Variants in ITGA2B observed in about 807,000 individuals in gnomAD.
The protein encoded by ITGA2B is integrin subunit alpha 2b.
A neutral mutation model predicts 142.0 loss-of-function variants in ITGA2B; 91 were observed. The observed-to-expected ratio is 0.64, with a 90% CI of 0.54 to 0.76. The LOEUF (loss-of-function observed/expected upper bound fraction) is 0.76, where lower values mean the gene tolerates loss of function less well. ITGA2B is among the 30% of genes least tolerant of loss of function. The probability of loss-of-function intolerance (pLI) is 0.00; values close to 1 mark genes in which losing one functional copy is unlikely to be tolerated. For missense variants in ITGA2B, 1,231 were observed against 1,350.8 expected (o/e 0.91, Z 1.39); for synonymous variants, 536 against 567.2 (o/e 0.94, Z 0.78).
intron 1 of ITGA2B, among the ~76,000 whole-genome samples, chr17:44,388,769 T>C (rs937447665): frequency 6.6e-6 from 1 of 150,904 alleles, no homozygotes; most frequent in African/African-American, 2.4e-5. Context: ...TGCCCACCTC[T>C]GCCTCCCAAA....
rs567353786 is a variant in ITGA2B at position 44,383,420 on chromosome 17, C to T, written c.1210+73G>A. On this transcript the variant is annotated intron_variant, in intron 12 of 29. Transcript: ENST00000262407. ...AAAACCCATCCTGGTTCTGGCTGCC[C>T]TCAGGCCAACTCCATGCTTTTTGAG... 5 of 1,449,632 alleles carry T rather than the reference C, an allele frequency of 3.4e-6. No homozygotes were observed. In the African/African-American group the frequency reaches 6.9e-5, roughly 20 times the overall value. The allele number at this position is 1,449,632 out of a possible 1,614,324, so 89.8% of individuals were successfully genotyped here.
At chr17:44,376,268 C>A in intron 23 of ITGA2B, 40 bp downstream of exon 23, 8 of 1,613,774 alleles carry the variant, frequency 5.0e-6, no homozygotes, top group Non-Finnish European at 6.8e-6. Context: ...GAGTTTAGAG[C>A]CCTGAATGCC....
At chr17:44,373,819 A>C in intron 29 of ITGA2B, 1 of 184,588 alleles carries the variant, frequency 5.4e-6, no homozygotes, top group Non-Finnish European at 1.2e-5. Flanking sequence ...TATCCTTTCC[A>C]GTGGTATGTG....
chr17:44,384,367 A>T lies in ITGA2B; in HGVS notation c.848-13T>A. On this transcript the variant is annotated splice_polypyrimidine_tract_variant and intron_variant, in intron 8 of 29. Coordinates refer to ENST00000262407, the MANE Select transcript of ITGA2B (RefSeq NM_000419.5). ...CCGACGACATATTCTGGCGATAGGG[A>T]GAGCCAGGCTCAGGGAATGAGAGCC... 1 of 1,613,804 alleles carries T rather than the reference A, an allele frequency of 6.2e-7. No homozygotes were observed. Among genetic ancestry groups the T allele is most frequent in the South Asian group, 1.1e-5 (1 of 91,086 alleles).
intron 7 of ITGA2B, 143 bp downstream of exon 7, chr17:44,384,805 C>T: frequency 7.0e-7 from 1 of 1,419,274 alleles, no homozygotes. Flanking sequence ...TGCGGGGAAG[C>T]CGCAGGAGCG....
At chr17:44,382,230 A>G (rs35691776) in intron 12 of ITGA2B, among the ~76,000 whole-genome samples, 3,178 of 152,070 alleles carry the variant, frequency 0.021, 103 homozygotes, top group African/African-American at 0.073. Context: ...CCACATTGAA[A>G]TAATCTTCCC....
At position 44,375,041 on chromosome 17, in the gene ITGA2B, A is replaced by G; in HGVS notation, c.2798T>C (p.Met933Thr). 1 of 1,511,352 alleles carries G rather than the reference A, an allele frequency of 6.6e-7. No individual in the cohort carries two copies. The allele number at this position is 1,511,352 out of a possible 1,614,324, so 93.6% of individuals were successfully genotyped here. A position where few individuals can be genotyped will look rare whatever the true frequency, so the allele number is the denominator to read the frequency against. ...LQEMARGQRA[M>T]VTVLAFLWLP... Reference sequence around the variant, plus strand: ...CCACAGGAAGGCCAGCACCGTGACCATGGCCCGCTGCCCGCGCGCCATCTC... The same window carrying G: ...CCACAGGAAGGCCAGCACCGTGACCGTGGCCCGCTGCCCGCGCGCCATCTC... Residue 933 changes from methionine (M) to threonine (T), a missense_variant, in exon 27 of 30, where the codon ATG (methionine) becomes ACG (threonine). Coordinates refer to ENST00000262407, the MANE Select transcript of ITGA2B (RefSeq NM_000419.5).
Position 44,372,217 on chromosome 17 carries a change from G to C in ITGA2B, c.*147C>G, listed in dbSNP as rs1262869372. The C allele has an allele frequency of 1.3e-6, 1 of 751,554 alleles. No homozygotes were observed. Among genetic ancestry groups the C allele is most frequent in the Non-Finnish European group, 2.3e-6 (1 of 432,042 alleles). The allele number at this position is 751,554 out of a possible 1,614,324, so 46.6% of individuals were successfully genotyped here. ...TCTCTTTATTAGGCAGCAGGAGGGG[G>C]GGTAGCCCAGCTCTGTTGGGAGGGA... is the stretch of plus-strand genomic sequence containing the variant. On this transcript the variant is annotated 3_prime_UTR_variant, in exon 30 of 30. Coordinates refer to ENST00000262407, the MANE Select transcript of ITGA2B (RefSeq NM_000419.5).
rs755617386 is a variant in ITGA2B at position 44,376,187 on chromosome 17, G to A, written c.2349-3C>T. ...CCAGGGAGGCTGGAAAGGAGTTCCT[G>A]CAGGTGCCCAAGACCCCCAGAGAGA... On this transcript the variant is annotated splice_polypyrimidine_tract_variant and splice_region_variant and intron_variant, in intron 23 of 29. Coordinates refer to ENST00000262407, the MANE Select transcript of ITGA2B (RefSeq NM_000419.5). 4.3e-6 allele frequency: 7 copies of A among 1,614,048 alleles called. No individual in the cohort carries two copies. Among genetic ancestry groups the A allele is most frequent in the Non-Finnish European group, 5.9e-6 (7 of 1,180,042 alleles).
At chr17:44,381,316 C>A (rs562190560) in intron 12 of ITGA2B, among the ~76,000 whole-genome samples, 3 of 151,958 alleles carry the variant, frequency 2.0e-5, no homozygotes, top group Admixed American at 1.3e-4. Flanking sequence ...AATTAAGCAT[C>A]ATTATTCCCT....
chr17:44,378,799 G>T, intron 18 of ITGA2B, 89 bp from the exon 19 acceptor site: 1 of 1,160,252 alleles, frequency 8.6e-7, no homozygotes, highest in Non-Finnish European at 1.3e-6. Context: ...TGGGCTTGGG[G>T]TTCACATAGG....
intron 20 of ITGA2B, 29 bp downstream of exon 20, chr17:44,378,333 G>A (rs777608478): frequency 1.4e-5 from 22 of 1,599,218 alleles, no homozygotes; most frequent in Admixed American, 1.7e-5. Context: ...CCCAGGTCCC[G>A]GGTACTGTTC....
intron 20 of ITGA2B, 56 bp downstream of exon 20, chr17:44,378,306 C>T: frequency 1.3e-6 from 2 of 1,572,368 alleles, no homozygotes; most frequent in Non-Finnish European, 8.6e-7. Flanking sequence ...GATGAGAGAG[C>T]CAAGGCTCCA....
chr17:44,384,819 G>T (rs2048629508), intron 7 of ITGA2B, 129 bp downstream of exon 7: 1 of 1,466,864 alleles, frequency 6.8e-7, no homozygotes, highest in African/African-American at 1.4e-5. Context: ...AGGAGCGGAG[G>T]GCGGGAGCGG....
rs1292275342 is a variant in ITGA2B, at chr17:44,389,544, G to T, written c.-71C>A. On this transcript the variant is annotated 5_prime_UTR_variant, in exon 1 of 30. In the 5' UTR this introduces an upstream ATG that the reference lacks. Coordinates refer to ENST00000262407, the MANE Select transcript of ITGA2B (RefSeq NM_000419.5). ...CTCCTTCCCTTCAGATTCCTCCACA[G>T]GAAGTCTTTTCTTATCAAACTGGAA... 5 of 1,536,614 alleles carry T rather than the reference G, an allele frequency of 3.3e-6. No individual in the cohort carries two copies. Among genetic ancestry groups the T allele is most frequent in the Non-Finnish European group, 4.5e-6 (5 of 1,122,916 alleles).
At chr17:44,379,009 T>G (rs1006588951) in intron 18 of ITGA2B, among the ~76,000 whole-genome samples, 6 of 150,678 alleles carry the variant, frequency 4.0e-5, no homozygotes, top group Admixed American at 6.6e-5. Context: ...GCAGTGGCAC[T>G]ATCTCGGCTC....
chr17:44,385,972 C>T, intron 2 of ITGA2B, 38 bp downstream of exon 2: 15 of 1,614,166 alleles, frequency 9.3e-6, no homozygotes, highest in Non-Finnish European at 1.3e-5. Flanking sequence ...GTCCACGTCC[C>T]TCTGACCCCA....
chr17:44,384,682 C>T (rs1012362284), intron 7 of ITGA2B, 97 bp from the exon 8 acceptor site: 3 of 1,442,424 alleles, frequency 2.1e-6, no homozygotes, highest in Admixed American at 3.4e-5. Flanking sequence ...CAGCCCCAGC[C>T]CTGCATTGTG....
intron 26 of ITGA2B, chr17:44,375,314 T>A (rs1296134106): frequency 1.5e-6 from 1 of 648,240 alleles, no homozygotes; most frequent in Non-Finnish European, 2.8e-6. Flanking sequence ...GCAGGGAGGG[T>A]CATCCCCCAG....
Sources: allele counts gnomAD v4.1 joint callset (sites outside exome capture counted in the v4.1 genomes callset), GRCh38; gene constraint gnomAD v4.1.1; transcripts MANE v1.5; gene names NCBI Gene and HGNC (gene_info 2026-07-23, HGNC 2026-07-21).